Variants in FEZ1 observed in about 807,000 individuals in gnomAD.
FEZ1 encodes the protein fasciculation and elongation protein zeta 1.
A neutral mutation model predicts 49.3 loss-of-function variants in FEZ1; 20 were observed. The ratio of observed to expected loss-of-function variants is 0.41; its 90% CI spans 0.29 to 0.59. FEZ1 has a LOEUF of 0.59. Ranked by LOEUF, FEZ1 falls within the 20% of genes least tolerant of loss-of-function variation. The probability of loss-of-function intolerance (pLI) is 0.36; values close to 1 mark genes in which losing one functional copy is unlikely to be tolerated. For missense variants in FEZ1, 413 were observed against 476.0 expected (o/e 0.87, Z 1.23); for synonymous variants, 170 against 180.9 (o/e 0.94, Z 0.48).
intron 1 of FEZ1, among the ~76,000 whole-genome samples, chr11:125,491,833 CT>C (rs1957385662): frequency 6.6e-6 from 1 of 152,154 alleles, no homozygotes; most frequent in Non-Finnish European, 1.5e-5. Context: ...ATGATAGGAC[CT>C]TTGAATACAA....
At chr11:125,478,034 CA>C (rs993734376) in intron 3 of FEZ1, among the ~76,000 whole-genome samples, 4 of 152,158 alleles carry the variant, frequency 2.6e-5, no homozygotes, top group African/African-American at 9.7e-5. Context: ...TTGATTTTAA[CA>C]AAAAATGACA....
chr11:125,481,775 G>A lies in FEZ1; in HGVS notation c.312-142C>T, dbSNP rs1957281578. On this transcript the variant is annotated intron_variant, in intron 2 of 9. Transcript: ENST00000278919. ...CTGCCTTCCAGCATGCAGGGGCAAA[G>A]CAGCTTAAAAACTGAATCAGAGGCA... 3 of 673,438 alleles carry A rather than the reference G, an allele frequency of 4.5e-6. No homozygotes were observed. The South Asian group carries it at 5.0e-5, about 11-fold the overall frequency. 41.7% of individuals were successfully genotyped at this position (673,438 alleles called of 1,614,324 possible).
intron 2 of FEZ1, among the ~76,000 whole-genome samples, chr11:125,485,429 C>T (rs1156659152): frequency 1.3e-5 from 2 of 152,162 alleles, no homozygotes; most frequent in African/African-American, 4.8e-5. Flanking sequence ...CATCAGGGTT[C>T]TCTCAGTCCT....
At chr11:125,455,684 C>T (rs1957003122) in intron 6 of FEZ1, 151 bp downstream of exon 6, 1 of 778,704 alleles carries the variant, frequency 1.3e-6, no homozygotes, top group Non-Finnish European at 2.3e-6. Flanking sequence ...GTGATATCTT[C>T]TCCCTTTCTG....
intron 1 of FEZ1, among the ~76,000 whole-genome samples, chr11:125,492,967 T>TC (rs1957395554): frequency 7.3e-6 from 1 of 137,032 alleles, no homozygotes; most frequent in African/African-American, 2.9e-5. Context: ...GACCCTATCT[T>TC]TAAAAAAAAA....
chr11:125,463,817 G>C (rs1418027676), intron 3 of FEZ1, among the ~76,000 whole-genome samples: 1 of 152,130 alleles, frequency 6.6e-6, no homozygotes, highest in Non-Finnish European at 1.5e-5. Flanking sequence ...AGACGACAGG[G>C]GAATGGCCAG....
intron 2 of FEZ1, among the ~76,000 whole-genome samples, chr11:125,484,767 CAGA>C (rs1351874528): frequency 1.3e-5 from 2 of 151,938 alleles, no homozygotes; most frequent in Non-Finnish European, 2.9e-5. Flanking sequence ...CATGGATCTA[CAGA>C]AGGAGGAATG....
At position 125,449,179 on chromosome 11, in the gene FEZ1, C is replaced by T. The variant is rs570759909; in HGVS notation, c.1097-612G>A. On this transcript the variant is annotated intron_variant, in intron 8 of 9. Coordinates refer to ENST00000278919, the MANE Select transcript of FEZ1 (RefSeq NM_005103.5). Reference sequence around the variant, plus strand: ...CTCTCAGCCTCCCAAGTAGCTGAGACTTACAGGCACGTGCCACTATGCCCA... The same window carrying T: ...CTCTCAGCCTCCCAAGTAGCTGAGATTTACAGGCACGTGCCACTATGCCCA... Among the ~76,000 whole-genome samples, 281 of 151,350 alleles carry T rather than the reference C, an allele frequency of 1.9e-3. 1 individual carries two copies. The highest frequency in any genetic ancestry group is 6.6e-3 in the African/African-American group (271 of 41,300).
intron 5 of FEZ1, among the ~76,000 whole-genome samples, chr11:125,456,637 G>A (rs1488874503): frequency 6.6e-6 from 1 of 152,148 alleles, no homozygotes; most frequent in Non-Finnish European, 1.5e-5. Flanking sequence ...AAAAATATGT[G>A]AAACCTGGAA....
In FEZ1 at chr11:125,493,508, G is replaced by GAGAAAGAA. The variant is rs1309003744; in HGVS notation, c.-46+2605_-46+2612dup. Among the ~76,000 whole-genome samples, 52 of 66,056 alleles carry GAGAAAGAA rather than the reference G, an allele frequency of 7.9e-4. 4 individuals carry two copies. Among genetic ancestry groups the GAGAAAGAA allele is most frequent in the Middle Eastern group, 7.8e-3 (1 of 128 alleles). The allele number at this position is 66,056 out of a possible 152,430, so 43.3% of individuals were successfully genotyped here. A position where few individuals can be genotyped will look rare whatever the true frequency, so the allele number is the denominator to read the frequency against. On this transcript the variant is annotated intron_variant, in intron 1 of 9. Coordinates refer to ENST00000278919, the MANE Select transcript of FEZ1 (RefSeq NM_005103.5). Reference sequence around the variant, plus strand: ...AAAGAAGGAAAGAAAGAAAGAAAGAGAGAAAGAAAGAAAGAAAGAAAGAAA... The same window carrying GAGAAAGAA: ...AAAGAAGGAAAGAAAGAAAGAAAGAGAGAAAGAAAGAAAGAAAGAAAGAAAGAAAGAAA...
Position 125,479,104 on chromosome 11 carries a change from G to A in FEZ1, c.411+2430C>T, listed in dbSNP as rs140049414. The stretch of plus-strand genomic sequence containing the variant: ...AGACACAGCCTCCTATGTCTGTGCT[G>A]AGGAGGCTTGCAGGAAATCTTAGTC... On this transcript the variant is annotated intron_variant, in intron 3 of 9. Coordinates refer to ENST00000278919, the MANE Select transcript of FEZ1 (RefSeq NM_005103.5). Among the ~76,000 whole-genome samples the A allele has an allele frequency of 6.5e-3, 995 of 152,308 alleles. 8 individuals carry two copies. The highest frequency in any genetic ancestry group is 0.011 in the Non-Finnish European group (740 of 68,026).
At chr11:125,449,236 A>G (rs1181999268) in intron 8 of FEZ1, among the ~76,000 whole-genome samples, 2 of 147,506 alleles carry the variant, frequency 1.4e-5, no homozygotes, top group Non-Finnish European at 3.0e-5. Context: ...AGTAAAGATG[A>G]GGTTTTGCCA....
In FEZ1 at chr11:125,445,571, T is replaced by C. The variant is rs1956891037; in HGVS notation, c.*524A>G. ...AGGGTCTCCTTCTGCCTATGCTGTA[T>C]GCAGCCCCACTGTGTCCCATGATCC... is the stretch of plus-strand genomic sequence containing the variant. On this transcript the variant is annotated 3_prime_UTR_variant, in exon 10 of 10. Coordinates refer to ENST00000278919, the MANE Select transcript of FEZ1 (RefSeq NM_005103.5). The surrounding 1 kb of genome is among the most constrained non-coding windows in gnomAD (Gnocchi z 4.4). 6.6e-6 allele frequency among the ~76,000 whole-genome samples: 1 copy of C among 152,178 alleles called. No individual in the cohort carries two copies. Among genetic ancestry groups the C allele is most frequent in the Non-Finnish European group, 1.5e-5 (1 of 68,040 alleles).
In FEZ1 at chr11:125,445,846, G is replaced by A; in HGVS notation, c.*249C>T. On this transcript the variant is annotated 3_prime_UTR_variant, in exon 10 of 10. Transcript: ENST00000278919. This position sits in a 1 kb window ranked among gnomAD's most constrained non-coding sequence, Gnocchi z 4.4. ...GACTACATAATGAGCGGTGAAAGCGGCTGCCTTCCCCTCTCCTGACACCAG... is the reference window on the plus strand; with the variant it reads ...GACTACATAATGAGCGGTGAAAGCGACTGCCTTCCCCTCTCCTGACACCAG... 1.8e-6 allele frequency: 1 copy of A among 544,592 alleles called. No homozygotes were observed. Among genetic ancestry groups the A allele is most frequent in the Non-Finnish European group, 3.4e-6 (1 of 292,914 alleles). The allele number at this position is 544,592 out of a possible 1,614,324, so 33.7% of individuals were successfully genotyped here.
chr11:125,452,559 A>C, intron 7 of FEZ1, 150 bp from the exon 8 acceptor site: 1 of 584,120 alleles, frequency 1.7e-6, no homozygotes, highest in South Asian at 2.3e-5. Context: ...AGAACTTCTT[A>C]CCCCTCTTTA....
At chr11:125,465,816 C>T (rs896085333) in intron 3 of FEZ1, among the ~76,000 whole-genome samples, 5 of 152,132 alleles carry the variant, frequency 3.3e-5, no homozygotes, top group Non-Finnish European at 7.3e-5. Context: ...CCCACCCTCC[C>T]TAGGCCTGGT....
rs190611512 is a variant in FEZ1 at position 125,455,161 on chromosome 11, T to G, written c.939+674A>C. 2.6e-5 allele frequency among the ~76,000 whole-genome samples: 4 copies of G among 151,344 alleles called. No individual in the cohort carries two copies. In the East Asian group the frequency reaches 7.9e-4, roughly 30 times the overall value. On this transcript the variant is annotated intron_variant, in intron 6 of 9. Coordinates refer to ENST00000278919, the MANE Select transcript of FEZ1 (RefSeq NM_005103.5). ...ATCCCAACACTTTGGGAGGCCAAGA[T>G]GGGCAAATCACCTGAGATCAGGAGT...
At chr11:125,494,043 G>A (rs1957432601) in intron 1 of FEZ1, among the ~76,000 whole-genome samples, 1 of 152,174 alleles carries the variant, frequency 6.6e-6, no homozygotes, top group African/African-American at 2.4e-5. Flanking sequence ...ACAGCTCTAG[G>A]GTTCAGACAC....
In FEZ1 at chr11:125,457,193, AAAAT is replaced by A. The variant is rs549309992; in HGVS notation, c.668-1091_668-1088del. Among the ~76,000 whole-genome samples, 63 of 151,050 alleles carry A rather than the reference AAAAT, an allele frequency of 4.2e-4. No homozygotes were observed. The South Asian group carries it at 6.9e-3, about 17-fold the overall frequency. On this transcript the variant is annotated intron_variant, in intron 5 of 9. Transcript: ENST00000278919. The stretch of plus-strand genomic sequence containing the variant: ...AAGAGCAAAACTCTATCTTAAAATA[AAAAT>A]AAATAAATAAATAAATAAATAAAAA...
Sources: gnomAD v4.1 joint callset for allele counts (sites outside exome capture counted in the v4.1 genomes callset) on GRCh38, gnomAD v4.1.1 for gene constraint, Gnocchi (gnomAD v3.1) non-coding constraint, MANE v1.5 for transcripts, NCBI Gene and HGNC (gene_info 2026-07-23, HGNC 2026-07-21) for gene names.